The following COLEC12 variants were observed in gnomAD, a reference collection of about 807,000 sequenced individuals.
COLEC12 encodes the protein collectin-12.
In COLEC12, 33 loss-of-function variants were observed where a neutral mutation model predicts 71.1. That is an observed-to-expected ratio of 0.46 (90% CI 0.35 to 0.62). The LOEUF is 0.62. COLEC12 is among the 20% of genes least tolerant of loss of function. COLEC12 has a pLI of 0.00. For missense variants in COLEC12, 765 were observed against 916.1 expected (o/e 0.84, Z 2.13); for synonymous variants, 350 against 353.0 (o/e 0.99, Z 0.10).
chr18:406,189 A>C (rs2143625532), intron 2 of COLEC12, among the ~76,000 whole-genome samples: 1 of 152,278 alleles, frequency 6.6e-6, no homozygotes, highest in South Asian at 2.1e-4. Flanking sequence ...CCCCTTGTTT[A>C]GCATATCATC....
intron 2 of COLEC12, among the ~76,000 whole-genome samples, chr18:400,450 C>A (rs77980114): frequency 0.1 from 15,487 of 152,204 alleles, 831 homozygotes; most frequent in Admixed American, 0.14. Context: ...TTCAGTAAAG[C>A]AATTTTAGCT....
chr18:500,551 C>T lies in COLEC12; in HGVS notation c.-37G>A, dbSNP rs1253805633. 8.2e-7 allele frequency: 1 copy of T among 1,220,548 alleles called. No homozygotes were observed. The highest frequency in any genetic ancestry group is 1.0e-6 in the Non-Finnish European group (1 of 980,860). The allele number at this position is 1,220,548 out of a possible 1,614,324, so 75.6% of individuals were successfully genotyped here. ...GGACGCACCGCCGGCCGGGGAGCTC[C>T]GCGCGAGCGCCGCGCAGCCGAGGAA... On this transcript the variant is annotated 5_prime_UTR_variant, in exon 1 of 10. Transcript: ENST00000400256. The surrounding 1 kb of genome is among the most constrained non-coding windows in gnomAD (Gnocchi z 5.3).
At chr18:338,582 C>A (rs1352548899) in intron 5 of COLEC12, among the ~76,000 whole-genome samples, 4 of 152,120 alleles carry the variant, frequency 2.6e-5, no homozygotes, top group East Asian at 1.9e-4. Context: ...TTCTGCCTAA[C>A]CTGGTCTGGC....
chr18:376,272 T>C (rs1274919368), intron 2 of COLEC12, among the ~76,000 whole-genome samples: 1 of 152,172 alleles, frequency 6.6e-6, no homozygotes, highest in Admixed American at 6.5e-5. Flanking sequence ...GGATCTAACA[T>C]GGCGTGTGGC....
intron 2 of COLEC12, among the ~76,000 whole-genome samples, chr18:401,606 A>T (rs1915688309): frequency 6.6e-6 from 1 of 152,258 alleles, no homozygotes; most frequent in Non-Finnish European, 1.5e-5. Flanking sequence ...GAGGTGTAAC[A>T]GGGAGGGCCA....
chr18:470,859 T>G (rs151281272), intron 2 of COLEC12, among the ~76,000 whole-genome samples: 3 of 152,374 alleles, frequency 2.0e-5, no homozygotes, highest in African/African-American at 7.2e-5. Flanking sequence ...GGTTGAAGGT[T>G]TGAGATCTTA....
At chr18:465,318 G>A (rs1401351595) in intron 2 of COLEC12, among the ~76,000 whole-genome samples, 1 of 152,136 alleles carries the variant, frequency 6.6e-6, no homozygotes, top group Non-Finnish European at 1.5e-5. Flanking sequence ...GGCCAGGCTG[G>A]TCTCAGACTC....
intron 2 of COLEC12, among the ~76,000 whole-genome samples, chr18:428,301 T>A (rs1916236496): frequency 6.6e-6 from 1 of 151,992 alleles, no homozygotes; most frequent in Non-Finnish European, 1.5e-5. Flanking sequence ...CCAATATTGA[T>A]TCAGTGTTTA....
At position 451,555 on chromosome 18, in the gene COLEC12, GGAT is replaced by G. The variant is rs534850121; in HGVS notation, c.58+29149_58+29151del. 7.9e-5 allele frequency among the ~76,000 whole-genome samples: 12 copies of G among 152,238 alleles called. No individual in the cohort carries two copies. In the South Asian group the frequency reaches 2.5e-3, roughly 32 times the overall value. ...AAGGTCAGGAGTTCAAGACCAGCCT[GGAT>G]GATATGATAAAACCCCGTCTCTACT... On this transcript the variant is annotated intron_variant, in intron 2 of 9. Transcript: ENST00000400256.
chr18:330,210 C>G (rs1913940606), intron 8 of COLEC12, among the ~76,000 whole-genome samples: 1 of 152,206 alleles, frequency 6.6e-6, no homozygotes, highest in Non-Finnish European at 1.5e-5. Flanking sequence ...TGCACACGCA[C>G]ATAGGGACAT....
chr18:494,055 C>A (rs1045535660), intron 1 of COLEC12, among the ~76,000 whole-genome samples: 1 of 152,206 alleles, frequency 6.6e-6, no homozygotes, highest in Admixed American at 6.5e-5. Context: ...TCTACCACTA[C>A]TATAACAAAT....
intron 2 of COLEC12, among the ~76,000 whole-genome samples, chr18:372,429 G>A (rs188964248): frequency 1.4e-3 from 208 of 152,078 alleles, no homozygotes; most frequent in Middle Eastern, 3.4e-3. Context: ...TTGTTTGTTT[G>A]TTTTTTGAGA....
At chr18:323,002 A>C (rs931641159) in intron 8 of COLEC12, among the ~76,000 whole-genome samples, 1 of 152,194 alleles carries the variant, frequency 6.6e-6, no homozygotes, top group Admixed American at 6.5e-5. Context: ...AGGCAGATGG[A>C]TCACCTGAGG....
At chr18:466,859 C>T (rs1158271970) in intron 2 of COLEC12, among the ~76,000 whole-genome samples, 2 of 152,018 alleles carry the variant, frequency 1.3e-5, no homozygotes, top group African/African-American at 2.4e-5. Flanking sequence ...TGGCCTTATC[C>T]CCAACCCCAA....
At chr18:482,020 T>C (rs1917427767) in intron 1 of COLEC12, among the ~76,000 whole-genome samples, 2 of 152,068 alleles carry the variant, frequency 1.3e-5, no homozygotes, top group Admixed American at 6.6e-5. Flanking sequence ...ATCACCCACG[T>C]AGTGAGCATA....
chr18:436,154 A>AAT (rs1347395743), intron 2 of COLEC12, among the ~76,000 whole-genome samples: 2 of 152,244 alleles, frequency 1.3e-5, no homozygotes, highest in Non-Finnish European at 2.9e-5. Context: ...TTCTGCTCAC[A>AAT]TAGGCCCCAC....
chr18:478,887 C>T (rs11081140), intron 2 of COLEC12, among the ~76,000 whole-genome samples: 6,821 of 152,180 alleles, frequency 0.045, 501 homozygotes, highest in African/African-American at 0.15. Context: ...TCCTGTGAGT[C>T]ATCCGTTGCA....
intron 2 of COLEC12, among the ~76,000 whole-genome samples, chr18:463,009 A>G (rs2621173): frequency 0.78 from 119,214 of 152,200 alleles, 46,936 homozygotes; most frequent in East Asian, 0.99. Context: ...GTTTTCTGAT[A>G]GCTGTTCTCT....
intron 7 of COLEC12, 149 bp downstream of exon 7, chr18:332,858 G>T: frequency 1.5e-6 from 1 of 648,134 alleles, no homozygotes; most frequent in Non-Finnish European, 2.6e-6. Context: ...CTAGCCACTG[G>T]ATGAAACCCA....
Sources: allele counts gnomAD v4.1 joint callset (sites outside exome capture counted in the v4.1 genomes callset), GRCh38; gene constraint gnomAD v4.1.1; non-coding constraint Gnocchi (gnomAD v3.1); transcripts MANE v1.5; gene names NCBI Gene and HGNC (gene_info 2026-07-23, HGNC 2026-07-21).